The following ACIN1 variants were observed in gnomAD, a reference collection of about 807,000 sequenced individuals.
ACIN1 encodes the protein apoptotic chromatin condensation inducer in the nucleus.
A neutral mutation model predicts 146.6 loss-of-function variants in ACIN1; 16 were observed. The ratio of observed to expected loss-of-function variants is 0.11; its 90% CI spans 0.07 to 0.17. The LOEUF is 0.17. Among genes scored for constraint, ACIN1 ranks in the 10% least tolerant of loss-of-function variants. The probability of loss-of-function intolerance (pLI) is 1.00; values close to 1 mark genes in which losing one functional copy is unlikely to be tolerated. For missense variants in ACIN1, 1,357 were observed against 1,609.3 expected (o/e 0.84, Z 2.68); for synonymous variants, 569 against 582.7 (o/e 0.98, Z 0.34).
At chr14:23,086,458 C>G (rs2048093886) in intron 4 of ACIN1, among the ~76,000 whole-genome samples, 1 of 152,282 alleles carries the variant, frequency 6.6e-6, no homozygotes, top group South Asian at 2.1e-4. Flanking sequence ...TGAGTCCTAA[C>G]ACCTTAGAAA....
chr14:23,058,984 G>A lies in ACIN1; in HGVS notation c.*164C>T, dbSNP rs575221448. ...CCCAAGAGATAGGTTAAGGGGGTGT[G>A]TTTGGGGGGAAAAGGATGGCCACTT... On this transcript the variant is annotated 3_prime_UTR_variant, in exon 19 of 19. Transcript: ENST00000605057. The A allele has an allele frequency of 3.1e-6, 2 of 653,398 alleles. No homozygotes were observed. The highest frequency in any genetic ancestry group is 5.4e-5 in the East Asian group (2 of 36,754). 40.5% of individuals were successfully genotyped at this position (653,398 alleles called of 1,614,324 possible).
intron 8 of ACIN1, among the ~76,000 whole-genome samples, chr14:23,073,991 A>G (rs1463762208): frequency 1.3e-5 from 2 of 151,210 alleles, no homozygotes; most frequent in Admixed American, 1.3e-4. Flanking sequence ...GGCACCCTCC[A>G]TTACACCCGG....
upstream of ACIN1, chr14:23,095,155 C>T (rs139477776): frequency 9.9e-6 from 16 of 1,614,254 alleles, no homozygotes; most frequent in South Asian, 1.6e-4. Context: ...CTTCGGGCAT[C>T]TTCGGTAATT....
At chr14:23,093,881 G>C (rs2048294195) in intron 1 of ACIN1, among the ~76,000 whole-genome samples, 1 of 152,132 alleles carries the variant, frequency 6.6e-6, no homozygotes, top group Non-Finnish European at 1.5e-5. Context: ...TTCTAAATCT[G>C]ATCATGCATG....
At chr14:23,072,515 T>C (rs1271459575) in intron 8 of ACIN1, among the ~76,000 whole-genome samples, 1 of 152,106 alleles carries the variant, frequency 6.6e-6, no homozygotes, top group Non-Finnish European at 1.5e-5. Context: ...ATCATGGGAA[T>C]CTTCACTAGA....
In ACIN1 at chr14:23,061,590, A is replaced by G; in HGVS notation, c.3132T>C (p.Arg1044=). 6.5e-7 allele frequency: 1 copy of G among 1,550,262 alleles called. No individual in the cohort carries two copies. ...LDYHRGLLVD[R]PSETKTEEQG... The stretch of plus-strand genomic sequence containing the variant: ...GCTCCTCTGTCTTAGTTTCAGAGGG[A>G]CGGTCCACCAAGAGGCCTCGGTGAT... Residue 1044 remains arginine (R), a synonymous_variant, in exon 17 of 19, where the codon CGT becomes CGC. Coordinates refer to ENST00000605057, the MANE Select transcript of ACIN1 (RefSeq NM_001386863.1).
intron 8 of ACIN1, chr14:23,071,451 T>G: frequency 6.4e-7 from 1 of 1,551,680 alleles, no homozygotes; most frequent in African/African-American, 1.4e-5. Context: ...TCGGCTGGAT[T>G]GGTCTCTCTG....
chr14:23,088,317 TTAA>T (rs976635710), intron 4 of ACIN1, among the ~76,000 whole-genome samples: 2 of 152,204 alleles, frequency 1.3e-5, no homozygotes, highest in African/African-American at 4.8e-5. Context: ...CCTAAGGAAC[TTAA>T]TAATTCCAAA....
At chr14:23,086,911 G>A in intron 4 of ACIN1, among the ~76,000 whole-genome samples, 1 of 152,136 alleles carries the variant, frequency 6.6e-6, no homozygotes, top group African/African-American at 2.4e-5. Flanking sequence ...AAAATGAATT[G>A]GTCAACAGAA....
chr14:23,095,507 G>A (rs924386095), upstream of ACIN1: 2 of 586,254 alleles, frequency 3.4e-6, no homozygotes, highest in African/African-American at 1.9e-5. Context: ...GGAAGTGCGT[G>A]GGCTGCCGGG....
At chr14:23,060,792 T>G (rs1257713740) in intron 18 of ACIN1, among the ~76,000 whole-genome samples, 5 of 152,236 alleles carry the variant, frequency 3.3e-5, no homozygotes, top group African/African-American at 1.2e-4. Flanking sequence ...ATTAGAGGCG[T>G]GAGCCACCAC....
At position 23,062,537 on chromosome 14, in the gene ACIN1, T is replaced by C. The variant is rs768495635; in HGVS notation, c.2884-14A>G. On this transcript the variant is annotated splice_polypyrimidine_tract_variant and intron_variant, in intron 14 of 18. Transcript: ENST00000605057. ...GAAAGGACGGACCTGCCAATGAAAA[T>C]AGACTTTCAGGGTCTAGCAGAAGGC... 7 of 1,612,284 alleles carry C rather than the reference T, an allele frequency of 4.3e-6. No individual in the cohort carries two copies. Among genetic ancestry groups the C allele is most frequent in the South Asian group, 1.1e-5 (1 of 91,046 alleles).
At chr14:23,069,187 A>C (rs2047550844) in intron 9 of ACIN1, 1 of 1,110,072 alleles carries the variant, frequency 9.0e-7, no homozygotes, top group Non-Finnish European at 1.1e-6. Context: ...AGCTGAACAT[A>C]AATCTTAGAT....
At chr14:23,095,501 G>GT, upstream of ACIN1, 1 of 619,878 alleles carries the variant, frequency 1.6e-6, no homozygotes, top group Non-Finnish European at 2.7e-6. Context: ...GAGGCCGGAA[G>GT]TGCGTGGGCT....
chr14:23,068,099 G>A lies in ACIN1; in HGVS notation c.2265+1377C>T. 1 of 985,898 alleles carries A rather than the reference G, an allele frequency of 1.0e-6. No homozygotes were observed. Among genetic ancestry groups the A allele is most frequent in the African/African-American group, 1.7e-5 (1 of 57,354 alleles). 61.1% of individuals were successfully genotyped at this position (985,898 alleles called of 1,614,324 possible). On this transcript the variant is annotated intron_variant, in intron 9 of 18. Coordinates refer to ENST00000605057, the MANE Select transcript of ACIN1 (RefSeq NM_001386863.1). This position sits in a 1 kb window ranked among gnomAD's most constrained non-coding sequence, Gnocchi z 4.3. Reference sequence around the variant, plus strand: ...AAAGGAAAGTCCATCTGATGAGCAAGTGGTGACACATGGGCTGGGCTGTCA... The same window carrying A: ...AAAGGAAAGTCCATCTGATGAGCAAATGGTGACACATGGGCTGGGCTGTCA...
chr14:23,076,194 T>C (rs1002574913), intron 8 of ACIN1, among the ~76,000 whole-genome samples: 1 of 152,170 alleles, frequency 6.6e-6, no homozygotes, highest in Non-Finnish European at 1.5e-5. Flanking sequence ...CCAGATCCAA[T>C]GCCTATGGGT....
Position 23,082,081 on chromosome 14 carries a change from CAT to C in ACIN1, c.437-247_437-246del, listed in dbSNP as rs199583262. ...TTTTCAACACCTCGAAGCCAATTCA[CAT>C]GTTATAAATAACTCAAATAAATGTA... On this transcript the variant is annotated intron_variant, in intron 4 of 18. Transcript: ENST00000605057. Among the ~76,000 whole-genome samples the C allele has an allele frequency of 3.3e-3, 498 of 152,324 alleles. 22 individuals are homozygous for C. The East Asian group carries it at 0.064, about 20-fold the overall frequency.
intron 7 of ACIN1, 150 bp downstream of exon 7, chr14:23,078,670 C>G (rs2047862765): frequency 1.1e-6 from 1 of 873,058 alleles, no homozygotes; most frequent in Non-Finnish European, 1.7e-6. Context: ...AACCAGGGAG[C>G]TGGAAATGAG....
At chr14:23,069,375 T>C in intron 9 of ACIN1, 101 bp downstream of exon 9, 1 of 1,491,162 alleles carries the variant, frequency 6.7e-7, no homozygotes, top group Non-Finnish European at 8.9e-7. Flanking sequence ...CATCCCTCCT[T>C]TAAGTTAACC....
Sources: allele counts gnomAD v4.1 joint callset (sites outside exome capture counted in the v4.1 genomes callset), GRCh38; gene constraint gnomAD v4.1.1; non-coding constraint Gnocchi (gnomAD v3.1); transcripts MANE v1.5; gene names NCBI Gene and HGNC (gene_info 2026-07-23, HGNC 2026-07-21).